The following INTS13 variants were observed in gnomAD, a reference collection of about 807,000 sequenced individuals.
INTS13 encodes the protein integrator complex subunit 13.
INTS13 carries 35 observed loss-of-function variants against 90.2 expected under a neutral mutation model. That is an observed-to-expected ratio of 0.39 (90% CI 0.30 to 0.51). The LOEUF is 0.51. Ranked by LOEUF, INTS13 falls within the 20% of genes least tolerant of loss-of-function variation. INTS13 has a pLI of 0.80. For missense variants in INTS13, 601 were observed against 851.2 expected (o/e 0.71, Z 3.66); for synonymous variants, 309 against 277.1 (o/e 1.11, Z -1.14).
At chr12:26,910,383 T>C (rs1252862317) in intron 15 of INTS13, among the ~76,000 whole-genome samples, 17 of 152,214 alleles carry the variant, frequency 1.1e-4, no homozygotes, top group Non-Finnish European at 2.5e-4. Context: ...ACTACTTGTT[T>C]TTGTTTTTAA....
intron 3 of INTS13, among the ~76,000 whole-genome samples, chr12:26,933,890 A>C (rs1378234567): frequency 6.6e-6 from 1 of 152,242 alleles, no homozygotes; most frequent in Admixed American, 6.5e-5. Context: ...TAATTCCAGG[A>C]ATAAACAAAA....
At chr12:26,926,914 C>T (rs1244455139) in intron 5 of INTS13, among the ~76,000 whole-genome samples, 2 of 152,218 alleles carry the variant, frequency 1.3e-5, no homozygotes, top group Non-Finnish European at 2.9e-5. Context: ...CTGCTATCCT[C>T]CAGAGAGGGG....
At position 26,913,501 on chromosome 12, in the gene INTS13, T is replaced by C; in HGVS notation, c.1761A>G (p.Ala587=). The C allele has an allele frequency of 6.2e-7, 1 of 1,614,138 alleles. No individual in the cohort carries two copies. The highest frequency in any genetic ancestry group is 8.5e-7 in the Non-Finnish European group (1 of 1,180,012). Residue 587 remains alanine (A), a synonymous_variant, in exon 14 of 17, where the codon GCA becomes GCG. Coordinates refer to ENST00000261191, the MANE Select transcript of INTS13 (RefSeq NM_018164.3). ...REDKEDKSEK[A]VKDYEQEKSW... is the part of the protein sequence containing the mutation. ...ACTTTTCCTGTTCATAATCTTTCAC[T>C]GCTTTCTCTGACTTGTCCTCTTTGT... is the stretch of plus-strand genomic sequence containing the variant.
At position 26,913,476 on chromosome 12, in the gene INTS13, A is replaced by G; in HGVS notation, c.1786T>C (p.Ser596Pro). ...AGTCACCTCTCTGAGTCTTGCCAAG[A>G]CTTTTCCTGTTCATAATCTTTCACT... is the stretch of plus-strand genomic sequence containing the variant. ...KAVKDYEQEK[S>P]WQDSERLKGI... Residue 596 changes from serine to proline, a missense_variant, in exon 14 of 17, where the codon TCT becomes CCT. By Grantham distance (74) the Ser-to-Pro change is moderately conservative. Around this residue, in one of 3 missense-constraint regions of INTS13, gnomAD observed 228 missense variants for 272.5 expected, o/e 0.84. Coordinates refer to ENST00000261191, the MANE Select transcript of INTS13 (RefSeq NM_018164.3). The G allele has an allele frequency of 6.2e-7, 1 of 1,614,048 alleles. No homozygotes were observed. The highest frequency in any genetic ancestry group is 8.5e-7 in the Non-Finnish European group (1 of 1,179,994).
intron 4 of INTS13, 54 bp downstream of exon 4, chr12:26,928,649 C>A (rs769154797): frequency 1.1e-5 from 18 of 1,573,836 alleles, no homozygotes; most frequent in Admixed American, 5.0e-5. Context: ...TGAAAAACTA[C>A]AACAGGATTT....
intron 15 of INTS13, among the ~76,000 whole-genome samples, chr12:26,906,996 AG>A (rs1270216066): frequency 3.3e-5 from 5 of 152,218 alleles, no homozygotes; most frequent in Non-Finnish European, 7.3e-5. Context: ...GAAGGGAAGC[AG>A]GTGTTCAGTT....
At chr12:26,914,165 C>T (rs753708143) in intron 12 of INTS13, 37 bp from the exon 13 acceptor site, 1 of 1,514,052 alleles carries the variant, frequency 6.6e-7, no homozygotes, top group South Asian at 1.3e-5. Context: ...GAAAATCTGT[C>T]TTGAAAAATA....
intron 15 of INTS13, among the ~76,000 whole-genome samples, chr12:26,907,188 A>C (rs1468084971): frequency 1.3e-5 from 2 of 152,244 alleles, no homozygotes; most frequent in Non-Finnish European, 1.5e-5. Context: ...GACAAAAGTT[A>C]GAAGATTCTT....
intron 3 of INTS13, among the ~76,000 whole-genome samples, chr12:26,932,087 CAA>C (rs34658630): frequency 5.1e-5 from 4 of 78,908 alleles, no homozygotes; most frequent in Admixed American, 1.4e-4. Context: ...AACTCAGTCT[CAA>C]AAAAAAAAAA....
At chr12:26,909,373 A>C (rs1008715545) in intron 15 of INTS13, among the ~76,000 whole-genome samples, 2 of 152,112 alleles carry the variant, frequency 1.3e-5, no homozygotes, top group African/African-American at 4.8e-5. Flanking sequence ...TAAATAAATA[A>C]ATACATACAT....
intron 5 of INTS13, 97 bp downstream of exon 5, chr12:26,928,108 G>A: frequency 1.2e-6 from 1 of 828,310 alleles, no homozygotes; most frequent in Non-Finnish European, 1.9e-6. Flanking sequence ...AGTCAATAGA[G>A]AATTCAGGGA....
chr12:26,934,456 T>G, intron 3 of INTS13, 100 bp downstream of exon 3: 1 of 876,660 alleles, frequency 1.1e-6, no homozygotes, highest in East Asian at 2.4e-5. Context: ...TAACACTATA[T>G]GCAAATCCTA....
rs753272696 is a variant in INTS13, at chr12:26,917,406, G to A, written c.1015C>T (p.Pro339Ser). Residue 339 changes from proline (P) to serine (S), a missense_variant, in exon 10 of 17, where the codon CCT becomes TCT. Physicochemically the swap from Pro to Ser is moderately conservative, Grantham distance 74. Coordinates refer to ENST00000261191, the MANE Select transcript of INTS13 (RefSeq NM_018164.3). ...HYCTGAYRIS[P>S]VDVNSRPSSC... is the part of the protein sequence containing the mutation. ...GAAGGTCTACTATTTACATCTACAG[G>A]TGAAATCCGATAAGCTCCAGTACAA... 6.3e-7 allele frequency: 1 copy of A among 1,574,810 alleles called. No individual in the cohort carries two copies. The highest frequency in any genetic ancestry group is 8.7e-7 in the Non-Finnish European group (1 of 1,155,120).
At chr12:26,907,946 C>A (rs749242919) in intron 15 of INTS13, among the ~76,000 whole-genome samples, 2 of 152,038 alleles carry the variant, frequency 1.3e-5, no homozygotes, top group Non-Finnish European at 2.9e-5. Context: ...AGCAACTGGA[C>A]AAGGATGCAG....
At chr12:26,922,794 G>A in intron 7 of INTS13, 94 bp from the exon 8 acceptor site, 3 of 678,286 alleles carry the variant, frequency 4.4e-6, no homozygotes, top group East Asian at 3.0e-5. Flanking sequence ...TTTAAAATGA[G>A]GGCAAATACA....
chr12:26,914,531 G>T lies in INTS13; in HGVS notation c.1296C>A (p.Asp432Glu), dbSNP rs1468897826. 5.0e-6 allele frequency: 8 copies of T among 1,613,624 alleles called. No individual in the cohort carries two copies. The highest frequency in any genetic ancestry group is 2.2e-5 in the East Asian group (1 of 44,798). Residue 432 changes from aspartate to glutamate, a missense_variant, in exon 12 of 17, where the codon GAC becomes GAA. By Grantham distance (45) the Asp-to-Glu change is conservative (BLOSUM62 2). Around this residue, in one of 3 missense-constraint regions of INTS13, gnomAD observed 89 missense variants for 191.0 expected, o/e 0.47. Transcript: ENST00000261191. ...GACTTCCATCGATTTTATATCTGGG[G>T]TCTAGAAAAGGAGTTAATCTGTTTT... Reference protein sequence around the residue: ...MRENRLTPFLDPRYKIDGSLE... With the variant: ...MRENRLTPFLEPRYKIDGSLE...
At chr12:26,923,755 G>C (rs187606564) in intron 7 of INTS13, among the ~76,000 whole-genome samples, 1 of 152,122 alleles carries the variant, frequency 6.6e-6, no homozygotes, top group Non-Finnish European at 1.5e-5. Context: ...TTAAAACTAT[G>C]AGCTATTTTC....
chr12:26,930,289 C>T (rs1251919141), intron 3 of INTS13, among the ~76,000 whole-genome samples: 4 of 152,112 alleles, frequency 2.6e-5, no homozygotes, highest in African/African-American at 7.2e-5. Flanking sequence ...TAATTGATAA[C>T]GTGATTCTAA....
chr12:26,916,194 G>A lies in INTS13; in HGVS notation c.1070-14C>T. 1 of 1,593,356 alleles carries A rather than the reference G, an allele frequency of 6.3e-7. No individual in the cohort carries two copies. Among genetic ancestry groups the A allele is most frequent in the Non-Finnish European group, 8.5e-7 (1 of 1,170,134 alleles). ...AAACAGAACGACCTGTCAAAAACAA[G>A]ATTACACTATCAGTAATGAAACTCA... On this transcript the variant is annotated splice_polypyrimidine_tract_variant and intron_variant, in intron 10 of 16. Coordinates refer to ENST00000261191, the MANE Select transcript of INTS13 (RefSeq NM_018164.3).
Sources: gnomAD v4.1 joint callset for allele counts (sites outside exome capture counted in the v4.1 genomes callset) on GRCh38, gnomAD v4.1.1 for gene constraint, gnomAD v4.1.1 regional missense constraint, MANE v1.5 for transcripts, NCBI Gene and HGNC (gene_info 2026-07-23, HGNC 2026-07-21) for gene names.